TENM4: variants seen among roughly 807,000 people sequenced by gnomAD.
The protein encoded by TENM4 is teneurin transmembrane protein 4.
Under a neutral mutation model 243.3 loss-of-function variants are expected in TENM4, and 82 were observed. The observed-to-expected ratio is 0.34, with a 90% CI of 0.28 to 0.40. TENM4 has a LOEUF of 0.40. TENM4 is among the 10% of genes least tolerant of loss of function. The probability of loss-of-function intolerance (pLI) is 1.00; values close to 1 mark genes in which losing one functional copy is unlikely to be tolerated. For missense variants in TENM4, 3,138 were observed against 3,673.3 expected (o/e 0.85, Z 3.77); for synonymous variants, 1,412 against 1,456.3 (o/e 0.97, Z 0.69).
intron 19 of TENM4, among the ~76,000 whole-genome samples, chr11:78,740,684 T>A (rs930162911): frequency 6.6e-6 from 1 of 152,240 alleles, no homozygotes; most frequent in Non-Finnish European, 1.5e-5. Flanking sequence ...CTCCTGACGC[T>A]GGCCACCAGC....
At chr11:79,055,311 G>C (rs935170341) in intron 6 of TENM4, among the ~76,000 whole-genome samples, 1 of 151,924 alleles carries the variant, frequency 6.6e-6, no homozygotes, top group Non-Finnish European at 1.5e-5. Flanking sequence ...GCATGATCTT[G>C]GCTCACAGCA....
intron 20 of TENM4, among the ~76,000 whole-genome samples, chr11:78,733,331 T>C (rs1414473763): frequency 6.6e-6 from 1 of 151,956 alleles, no homozygotes; most frequent in East Asian, 1.9e-4. Flanking sequence ...GCTGGGGAGG[T>C]CTGAGGAGAA....
intron 7 of TENM4, among the ~76,000 whole-genome samples, chr11:78,895,007 A>AGAG (rs1855756760): frequency 7.2e-6 from 1 of 138,468 alleles, no homozygotes; most frequent in Non-Finnish European, 1.5e-5. Flanking sequence ...AAAAAAAAAA[A>AGAG]GAAGACAATT....
intron 2 of TENM4, among the ~76,000 whole-genome samples, chr11:79,239,949 G>C (rs183123442): frequency 1.3e-3 from 200 of 152,264 alleles, no homozygotes; most frequent in African/African-American, 4.6e-3. Flanking sequence ...GATTGTTGCA[G>C]CAATCAAATG....
At chr11:79,193,645 G>C (rs984595205) in intron 3 of TENM4, among the ~76,000 whole-genome samples, 8 of 152,140 alleles carry the variant, frequency 5.3e-5, no homozygotes, top group Admixed American at 5.2e-4. Flanking sequence ...CACATAGCAG[G>C]GTCCCTGACA....
intron 18 of TENM4, among the ~76,000 whole-genome samples, chr11:78,767,395 G>A (rs1183777807): frequency 6.6e-6 from 1 of 152,318 alleles, no homozygotes; most frequent in South Asian, 2.1e-4. Context: ...TTGTGGTACT[G>A]CTGCAGCCTA....
At position 78,903,051 on chromosome 11, in the gene TENM4, C is replaced by A. The variant is rs548523733; in HGVS notation, c.749+217G>T. On this transcript the variant is annotated intron_variant, in intron 7 of 33. Coordinates refer to ENST00000278550, the MANE Select transcript of TENM4 (RefSeq NM_001098816.3). ...TCTAGCAACTTGGCCAAGGTCACAC[C>A]TTTGGTAATCAGCAGGCTAGCACTG... Among the ~76,000 whole-genome samples, 4 of 152,296 alleles carry A rather than the reference C, an allele frequency of 2.6e-5. No homozygotes were observed. In the South Asian group the frequency reaches 8.3e-4, roughly 32 times the overall value.
At chr11:79,302,559 G>A (rs1269643363) in intron 1 of TENM4, among the ~76,000 whole-genome samples, 2 of 152,026 alleles carry the variant, frequency 1.3e-5, no homozygotes, top group East Asian at 3.8e-4. Flanking sequence ...TGCATTATTA[G>A]CATTATTGAC....
intron 21 of TENM4, 77 bp downstream of exon 21, chr11:78,732,239 C>G: frequency 6.6e-7 from 1 of 1,515,606 alleles, no homozygotes; most frequent in Non-Finnish European, 8.8e-7. Flanking sequence ...TTTTCTCTTT[C>G]CACTGTCTCT....
At chr11:79,030,813 A>G (rs969982011) in intron 6 of TENM4, among the ~76,000 whole-genome samples, 8 of 152,170 alleles carry the variant, frequency 5.3e-5, no homozygotes, top group Admixed American at 2.0e-4. Context: ...AGGGTGACAG[A>G]TTTCTGACCA....
intron 24 of TENM4, among the ~76,000 whole-genome samples, chr11:78,720,968 A>G (rs544817545): frequency 4.1e-4 from 62 of 152,320 alleles, no homozygotes; most frequent in Middle Eastern, 3.4e-3. Flanking sequence ...AATTTCACTT[A>G]TATCTCCCTT....
At chr11:79,349,479 GAATC>G (rs964043638) in intron 1 of TENM4, among the ~76,000 whole-genome samples, 16 of 152,262 alleles carry the variant, frequency 1.1e-4, no homozygotes, top group African/African-American at 2.4e-4. Flanking sequence ...TGAGTCCCCA[GAATC>G]AATCAATCAA....
At chr11:78,881,918 T>A (rs532485284) in intron 9 of TENM4, among the ~76,000 whole-genome samples, 7 of 152,330 alleles carry the variant, frequency 4.6e-5, no homozygotes, top group Admixed American at 3.9e-4. Context: ...CCTATATATA[T>A]CTTGCTATTA....
intron 9 of TENM4, among the ~76,000 whole-genome samples, chr11:78,878,868 C>T (rs142172772): frequency 1.9e-3 from 296 of 152,312 alleles, no homozygotes; most frequent in African/African-American, 6.6e-3. Flanking sequence ...AGAAGTGCTA[C>T]TTATAATGCC....
intron 4 of TENM4, chr11:79,093,105 C>G (rs1860999077): frequency 6.6e-6 from 1 of 152,328 alleles, no homozygotes; most frequent in East Asian, 1.9e-4. Context: ...CAGGCTAACA[C>G]AAGCCAAATT....
At chr11:79,093,394 TGAG>T (rs1414740469) in intron 4 of TENM4, 1 of 152,248 alleles carries the variant, frequency 6.6e-6, no homozygotes, top group African/African-American at 2.4e-5. Flanking sequence ...GTGACAGGCA[TGAG>T]GACTACGAGC....
At chr11:79,150,907 T>G (rs922061313) in intron 3 of TENM4, among the ~76,000 whole-genome samples, 2 of 152,188 alleles carry the variant, frequency 1.3e-5, no homozygotes, top group Non-Finnish European at 2.9e-5. Context: ...ATCTTCACAA[T>G]AACCACACGA....
intron 6 of TENM4, among the ~76,000 whole-genome samples, chr11:78,934,646 G>A (rs901490362): frequency 6.6e-6 from 1 of 152,144 alleles, no homozygotes; most frequent in Non-Finnish European, 1.5e-5. Flanking sequence ...TTCACACGAG[G>A]TCAAATTTCA....
intron 3 of TENM4, among the ~76,000 whole-genome samples, chr11:79,195,462 G>T (rs1474605583): frequency 2.6e-5 from 4 of 152,058 alleles, no homozygotes; most frequent in Non-Finnish European, 4.4e-5. Flanking sequence ...AGCCAAAGAG[G>T]TGGAGTTGCC....
Sources: gnomAD v4.1 joint callset for allele counts (sites outside exome capture counted in the v4.1 genomes callset) on GRCh38, gnomAD v4.1.1 for gene constraint, MANE v1.5 for transcripts, NCBI Gene and HGNC (gene_info 2026-07-23, HGNC 2026-07-21) for gene names.